FAM219A: variants seen among roughly 807,000 people sequenced by gnomAD.
The protein encoded by FAM219A is protein FAM219A.
Under a neutral mutation model 23.4 loss-of-function variants are expected in FAM219A, and 7 were observed. The ratio of observed to expected loss-of-function variants is 0.30; its 90% CI spans 0.17 to 0.56. The LOEUF (loss-of-function observed/expected upper bound fraction) is 0.56, where lower values mean the gene tolerates loss of function less well. Among genes scored for constraint, FAM219A ranks in the 20% least tolerant of loss-of-function variants. The pLI is 0.92. For missense variants in FAM219A, 166 were observed against 246.9 expected (o/e 0.67, Z 2.20); for synonymous variants, 93 against 99.0 (o/e 0.94, Z 0.36).
intron 2 of FAM219A, among the ~76,000 whole-genome samples, chr9:34,403,476 T>A (rs1432031083): frequency 6.6e-6 from 1 of 152,106 alleles, no homozygotes; most frequent in African/African-American, 2.4e-5. Context: ...AGGTGCAGGA[T>A]GGGGCTACAA....
chr9:34,421,007 T>TGAGAGAGAGAGAGA (rs761212084), intron 1 of FAM219A, among the ~76,000 whole-genome samples: 1,940 of 76,126 alleles, frequency 0.025, 43 homozygotes, highest in Non-Finnish European at 0.031. Context: ...TGTGTGTGTG[T>TGAGAGAGAGAGAGA]GTGAGAGAGA....
rs1049331074 is a variant in FAM219A at position 34,417,131 on chromosome 9, G to A, written c.61-11167C>T. On this transcript the variant is annotated intron_variant, in intron 1 of 5. Coordinates refer to ENST00000651358, the MANE Select transcript of FAM219A (RefSeq NM_001184940.2). The surrounding 1 kb of genome is among the most constrained non-coding windows in gnomAD (Gnocchi z 4.1). ...GTGCCCAGGCTGGTTGCCCAGGCTGGAGTGCAGTGGTGTGATCTCGGCTCA... is the reference window on the plus strand; with the variant it reads ...GTGCCCAGGCTGGTTGCCCAGGCTGAAGTGCAGTGGTGTGATCTCGGCTCA... 2.6e-5 allele frequency among the ~76,000 whole-genome samples: 4 copies of A among 152,026 alleles called. No homozygotes were observed. In the East Asian group the frequency reaches 7.7e-4, roughly 29 times the overall value.
chr9:34,436,859 G>C (rs1013325904), intron 1 of FAM219A, among the ~76,000 whole-genome samples: 4 of 152,204 alleles, frequency 2.6e-5, no homozygotes, highest in African/African-American at 9.7e-5. Flanking sequence ...TGCAAGGCTG[G>C]TGTTAGAATG....
chr9:34,430,591 C>A (rs1157408016), intron 1 of FAM219A, among the ~76,000 whole-genome samples: 2 of 139,942 alleles, frequency 1.4e-5, no homozygotes, highest in Admixed American at 7.6e-5. Flanking sequence ...GAGCCGAGAT[C>A]GCGCCACTGC....
At chr9:34,430,248 G>A (rs1449929167) in intron 1 of FAM219A, among the ~76,000 whole-genome samples, 1 of 152,168 alleles carries the variant, frequency 6.6e-6, no homozygotes, top group Non-Finnish European at 1.5e-5. Context: ...AATAGGCATG[G>A]TAGGGCTCAG....
intron 1 of FAM219A, among the ~76,000 whole-genome samples, chr9:34,423,174 T>A (rs144502348): frequency 3.6e-3 from 542 of 152,072 alleles, no homozygotes; most frequent in African/African-American, 0.012. Flanking sequence ...ATAACAATAA[T>A]AAGGCCCCTG....
At chr9:34,424,092 G>A (rs922322435) in intron 1 of FAM219A, among the ~76,000 whole-genome samples, 1 of 152,152 alleles carries the variant, frequency 6.6e-6, no homozygotes, top group Non-Finnish European at 1.5e-5. Context: ...ACCAAGAAGA[G>A]ATCAGAGTCA....
intron 4 of FAM219A, 87 bp from the exon 5 acceptor site, chr9:34,401,807 C>A: frequency 7.3e-7 from 1 of 1,372,656 alleles, no homozygotes; most frequent in East Asian, 2.4e-5. Flanking sequence ...AGGCAGCATC[C>A]TATACCTCCC....
Position 34,458,305 on chromosome 9 carries a change from G to T in FAM219A, c.-42C>A. 5 of 1,327,018 alleles carry T rather than the reference G, an allele frequency of 3.8e-6. No homozygotes were observed. The highest frequency in any genetic ancestry group is 4.8e-6 in the Non-Finnish European group (5 of 1,037,908). The allele number at this position is 1,327,018 out of a possible 1,614,324, so 82.2% of individuals were successfully genotyped here. ...CGGGCCAGGGGCCGGGCGCGGCCGC[G>T]GACGCCGACAGGACCGCGCGGGGCG... On this transcript the variant is annotated 5_prime_UTR_variant, in exon 1 of 6. Transcript: ENST00000651358. This position sits in a 1 kb window ranked among gnomAD's most constrained non-coding sequence, Gnocchi z 6.6.
chr9:34,421,171 C>T (rs1366796155), intron 1 of FAM219A, among the ~76,000 whole-genome samples: 1 of 151,988 alleles, frequency 6.6e-6, no homozygotes, highest in Non-Finnish European at 1.5e-5. Context: ...TGGGGGCCAG[C>T]CTGGGGTCAA....
chr9:34,425,004 C>T (rs1032957155), intron 1 of FAM219A, among the ~76,000 whole-genome samples: 3 of 151,972 alleles, frequency 2.0e-5, no homozygotes, highest in African/African-American at 7.2e-5. Context: ...TGGGGTTTTG[C>T]CATGTTGCCC....
In FAM219A at chr9:34,401,028, T is replaced by G; in HGVS notation, c.494A>C (p.Lys165Thr). The change falls in exon 6 of 6, where the codon AAG becomes ACG. Residue 165 changes from lysine to threonine, a missense_variant. Physicochemically the swap from Lys to Thr is moderately conservative, Grantham distance 78 (BLOSUM62 -1). Coordinates refer to ENST00000651358, the MANE Select transcript of FAM219A (RefSeq NM_001184940.2). ...DDEDLDLIPP[K>T]SVNPTCMCCQ... ...GCACATGCACGTGGGGTTCACGGAC[T>G]TGGGGGGGATGAGGTCTAGGTCCTC... 1 of 1,604,324 alleles carries G rather than the reference T, an allele frequency of 6.2e-7. No homozygotes were observed. The highest frequency in any genetic ancestry group is 1.1e-5 in the South Asian group (1 of 90,206).
chr9:34,410,866 A>G (rs575324509), intron 1 of FAM219A, among the ~76,000 whole-genome samples: 25 of 152,340 alleles, frequency 1.6e-4, no homozygotes, highest in African/African-American at 5.5e-4. Flanking sequence ...TTCCTCATCT[A>G]TAAATGGGAC....
Position 34,450,424 on chromosome 9 carries a change from T to A in FAM219A, c.60+7780A>T, listed in dbSNP as rs568486293. Among the ~76,000 whole-genome samples the A allele has an allele frequency of 9.9e-5, 15 of 152,088 alleles. No homozygotes were observed. In the East Asian group the frequency reaches 2.7e-3, roughly 27 times the overall value. ...GTTTGCATGTAGTTAATTCAATACA[T>A]CTTTTTTTTTTTTGAGACGGAGTCT... is the stretch of plus-strand genomic sequence containing the variant. On this transcript the variant is annotated intron_variant, in intron 1 of 5. Transcript: ENST00000651358.
Position 34,398,216 on chromosome 9 carries a change from G to A in FAM219A, c.*2748C>T. ...TTTGATGCTTTTAATATCATTATTT[G>A]TGTTACACGATACACAACCAAGGAT... is the stretch of plus-strand genomic sequence containing the variant. On this transcript the variant is annotated 3_prime_UTR_variant, in exon 6 of 6. Coordinates refer to ENST00000651358, the MANE Select transcript of FAM219A (RefSeq NM_001184940.2). 2 of 1,511,248 alleles carry A rather than the reference G, an allele frequency of 1.3e-6. No homozygotes were observed. The highest frequency in any genetic ancestry group is 1.2e-5 in the South Asian group (1 of 83,238). 93.6% of individuals were successfully genotyped at this position (1,511,248 alleles called of 1,614,324 possible). A position where few individuals can be genotyped will look rare whatever the true frequency, so the allele number is the denominator to read the frequency against.
chr9:34,412,760 C>T (rs1821869397), intron 1 of FAM219A, among the ~76,000 whole-genome samples: 1 of 152,094 alleles, frequency 6.6e-6, no homozygotes, highest in Non-Finnish European at 1.5e-5. Flanking sequence ...GTCAAATAAG[C>T]AGGTGGGTCC....
intron 1 of FAM219A, among the ~76,000 whole-genome samples, chr9:34,428,692 T>C (rs1197343263): frequency 6.6e-6 from 1 of 152,248 alleles, no homozygotes; most frequent in Non-Finnish European, 1.5e-5. Context: ...CTGGGCACCT[T>C]TGCCCCTGAG....
In FAM219A at chr9:34,457,482, G is replaced by C. The variant is rs143066240; in HGVS notation, c.60+722C>G. The C allele has an allele frequency of 6.6e-6, 1 of 152,484 alleles. No homozygotes were observed. Among genetic ancestry groups the C allele is most frequent in the African/African-American group, 2.4e-5 (1 of 41,416 alleles). The allele number at this position is 152,484 out of a possible 1,614,324, so 9.4% of individuals were successfully genotyped here. The stretch of plus-strand genomic sequence containing the variant: ...TCAGGCACGTAGGCCTAAGATGATG[G>C]GGGCTCTTCCCAACCAGTGCGCACA... On this transcript the variant is annotated intron_variant, in intron 1 of 5. Coordinates refer to ENST00000651358, the MANE Select transcript of FAM219A (RefSeq NM_001184940.2). The surrounding 1 kb of genome is among the most constrained non-coding windows in gnomAD (Gnocchi z 5.1).
At chr9:34,446,263 G>C (rs1823369029) in intron 1 of FAM219A, among the ~76,000 whole-genome samples, 2 of 152,116 alleles carry the variant, frequency 1.3e-5, no homozygotes, top group South Asian at 4.1e-4. Context: ...AGGTATTAGG[G>C]CCACAGGACA....
Sources: allele counts gnomAD v4.1 joint callset (sites outside exome capture counted in the v4.1 genomes callset), GRCh38; gene constraint gnomAD v4.1.1; non-coding constraint Gnocchi (gnomAD v3.1); transcripts MANE v1.5; gene names NCBI Gene and HGNC (gene_info 2026-07-23, HGNC 2026-07-21).